TFDP2: variants seen among roughly 807,000 people sequenced by gnomAD.
TFDP2 encodes transcription factor Dp-2.
A neutral mutation model predicts 59.3 loss-of-function variants in TFDP2; 17 were observed. The observed-to-expected ratio is 0.29, with a 90% CI of 0.20 to 0.43. The LOEUF (loss-of-function observed/expected upper bound fraction) is 0.43, where lower values mean the gene tolerates loss of function less well. Among genes scored for constraint, TFDP2 ranks in the 20% least tolerant of loss-of-function variants. The pLI, the probability that TFDP2 is intolerant of heterozygous loss-of-function variation, is 1.00. For missense variants in TFDP2, 391 were observed against 528.8 expected (o/e 0.74, Z 2.56); for synonymous variants, 180 against 194.7 (o/e 0.92, Z 0.63).
intron 2 of TFDP2, among the ~76,000 whole-genome samples, chr3:142,097,793 G>A (rs576334530): frequency 5.3e-5 from 8 of 152,154 alleles, no homozygotes; most frequent in Non-Finnish European, 1.2e-4. Context: ...GGTGGCTCAT[G>A]TCCATAAACC....
At position 141,969,919 on chromosome 3, in the gene TFDP2, C is replaced by T. The variant is rs185156407; in HGVS notation, c.732+154G>A. On this transcript the variant is annotated intron_variant, in intron 9 of 12. Coordinates refer to ENST00000489671, the MANE Select transcript of TFDP2 (RefSeq NM_001178139.2). ...GATGGGACCATCTTAAGGCAGAGCA[C>T]GTGGATGGCAACAAGCTAGGAGGTG... 9.2e-5 allele frequency among the ~76,000 whole-genome samples: 14 copies of T among 152,292 alleles called. No individual in the cohort carries two copies. The East Asian group carries it at 1.4e-3, about 15-fold the overall frequency.
In TFDP2 at chr3:141,947,149, T is replaced by G. The variant is rs1034519320; in HGVS notation, c.*5364A>C. 6.6e-6 allele frequency: 1 copy of G among 152,234 alleles called. No individual in the cohort carries two copies. Among genetic ancestry groups the G allele is most frequent in the Admixed American group, 6.5e-5 (1 of 15,274 alleles). 9.4% of individuals were successfully genotyped at this position (152,234 alleles called of 1,614,324 possible). Reference sequence around the variant, plus strand: ...GGAATTTGAGGGCAGGGAGGCACATTGCTGAGGGTCATTCAAATGGCATGG... The same window carrying G: ...GGAATTTGAGGGCAGGGAGGCACATGGCTGAGGGTCATTCAAATGGCATGG... On this transcript the variant is annotated 3_prime_UTR_variant, in exon 13 of 13. Transcript: ENST00000489671.
chr3:142,122,708 G>A (rs908307227), intron 1 of TFDP2, among the ~76,000 whole-genome samples: 7 of 152,180 alleles, frequency 4.6e-5, no homozygotes, highest in African/African-American at 1.7e-4. Context: ...ACACCTCTGG[G>A]AGGAAGCATA....
At chr3:142,041,095 T>C (rs1013705541) in intron 3 of TFDP2, among the ~76,000 whole-genome samples, 3 of 152,194 alleles carry the variant, frequency 2.0e-5, no homozygotes, top group Middle Eastern at 3.2e-3. Context: ...ATTCTCCTAG[T>C]GAATTATCAA....
Position 141,995,008 on chromosome 3 carries a change from C to T in TFDP2, c.308+12G>A, listed in dbSNP as rs1943135173. ...TTAAGGTTTTAAAAATAGTAACTTGCAACACTCTTACCCAGGGACCCAGCC... is the reference window on the plus strand; with the variant it reads ...TTAAGGTTTTAAAAATAGTAACTTGTAACACTCTTACCCAGGGACCCAGCC... On this transcript the variant is annotated intron_variant, in intron 5 of 12. Coordinates refer to ENST00000489671, the MANE Select transcript of TFDP2 (RefSeq NM_001178139.2). 1.9e-6 allele frequency: 3 copies of T among 1,547,018 alleles called. No homozygotes were observed. The highest frequency in any genetic ancestry group is 2.0e-5 in the Admixed American group (1 of 50,438).
intron 3 of TFDP2, among the ~76,000 whole-genome samples, chr3:142,092,527 C>G (rs967509108): frequency 6.6e-6 from 1 of 152,048 alleles, no homozygotes. Flanking sequence ...CTATGTTACC[C>G]AGGCTGGTCT....
In TFDP2 at chr3:142,128,654, A is replaced by G. The variant is rs557162520; in HGVS notation, c.-93+20529T>C. Among the ~76,000 whole-genome samples the G allele has an allele frequency of 2.0e-5, 3 of 152,198 alleles. No homozygotes were observed. In the South Asian group the frequency reaches 6.2e-4, roughly 32 times the overall value. ...GACACCAAATTAACAGACAAAATAG[A>G]AAGAAAGAAAGAAAAAAGAGAAGGA... On this transcript the variant is annotated intron_variant, in intron 1 of 12. Transcript: ENST00000489671.
intron 4 of TFDP2, among the ~76,000 whole-genome samples, chr3:141,999,634 A>G (rs1344174114): frequency 6.6e-6 from 1 of 152,184 alleles, no homozygotes; most frequent in Non-Finnish European, 1.5e-5. Context: ...TGAAATTTCT[A>G]TCTACCATTA....
chr3:142,051,647 A>G (rs1365352638), intron 3 of TFDP2, among the ~76,000 whole-genome samples: 6 of 152,226 alleles, frequency 3.9e-5, no homozygotes, highest in Admixed American at 2.6e-4. Context: ...ACGTACATCA[A>G]TGGAACAGAA....
chr3:142,137,125 G>A (rs1331474461), intron 1 of TFDP2, among the ~76,000 whole-genome samples: 1 of 150,856 alleles, frequency 6.6e-6, no homozygotes, highest in African/African-American at 2.4e-5. Context: ...GGATTCCTAG[G>A]TATTTTACTC....
At chr3:141,989,336 GC>G (rs1942491750) in intron 6 of TFDP2, 1 of 152,242 alleles carries the variant, frequency 6.6e-6, no homozygotes, top group Non-Finnish European at 1.5e-5. Flanking sequence ...CTGGCAACAA[GC>G]TTAACTTCAG....
chr3:141,976,346 A>G (rs187827065), intron 7 of TFDP2, among the ~76,000 whole-genome samples: 19 of 152,346 alleles, frequency 1.2e-4, no homozygotes, highest in Non-Finnish European at 2.2e-4. Flanking sequence ...AAGGTAACCA[A>G]CTGAAGAACT....
At chr3:141,977,931 C>T (rs1940944787) in intron 7 of TFDP2, among the ~76,000 whole-genome samples, 2 of 151,268 alleles carry the variant, frequency 1.3e-5, no homozygotes, top group African/African-American at 2.4e-5. Flanking sequence ...AGGATGGTCT[C>T]GATCTCCTGA....
chr3:141,994,876 A>C, intron 5 of TFDP2, 144 bp downstream of exon 5: 1 of 614,476 alleles, frequency 1.6e-6, no homozygotes, highest in Non-Finnish European at 2.6e-6. Context: ...CTAAGATATA[A>C]AGTGAAATAA....
intron 11 of TFDP2, 27 bp from the exon 12 acceptor site, chr3:141,953,043 T>G (rs761649969): frequency 1.3e-6 from 2 of 1,553,812 alleles, no homozygotes; most frequent in South Asian, 2.2e-5. Context: ...GAACAAAAAA[T>G]GTCGGTCCTG....
intron 4 of TFDP2, among the ~76,000 whole-genome samples, chr3:141,997,934 T>C (rs1375017188): frequency 1.3e-5 from 2 of 151,938 alleles, no homozygotes; most frequent in African/African-American, 4.8e-5. Context: ...CTGGCTATCT[T>C]TATGAAAATG....
rs986784993 is a variant in TFDP2 at position 141,944,560 on chromosome 3, A to G, written c.*7953T>C. Reference sequence around the variant, plus strand: ...TTTCCTTTAATCTTATAGGATGGACAAAGATACACTTTAATGGACAAAAAA... The same window carrying G: ...TTTCCTTTAATCTTATAGGATGGACGAAGATACACTTTAATGGACAAAAAA... On this transcript the variant is annotated 3_prime_UTR_variant, in exon 13 of 13. Coordinates refer to ENST00000489671, the MANE Select transcript of TFDP2 (RefSeq NM_001178139.2). 3 of 152,228 alleles carry G rather than the reference A, an allele frequency of 2.0e-5. No individual in the cohort carries two copies. Among genetic ancestry groups the G allele is most frequent in the Non-Finnish European group, 4.4e-5 (3 of 68,042 alleles). 9.4% of individuals were successfully genotyped at this position (152,228 alleles called of 1,614,324 possible).
intron 1 of TFDP2, among the ~76,000 whole-genome samples, chr3:142,109,880 T>C (rs572736658): frequency 7.9e-5 from 12 of 152,150 alleles, no homozygotes; most frequent in Non-Finnish European, 1.3e-4. Flanking sequence ...TTATGTTCAC[T>C]GCTCCCTTTA....
chr3:142,047,632 G>C (rs1238235536), intron 3 of TFDP2, among the ~76,000 whole-genome samples: 1 of 151,576 alleles, frequency 6.6e-6, no homozygotes, highest in Non-Finnish European at 1.5e-5. Flanking sequence ...TATTAGTTTT[G>C]CCTCCATTTC....
Sources: allele counts gnomAD v4.1 joint callset (sites outside exome capture counted in the v4.1 genomes callset), GRCh38; gene constraint gnomAD v4.1.1; transcripts MANE v1.5; gene names NCBI Gene and HGNC (gene_info 2026-07-23, HGNC 2026-07-21).